The following SND1 variants were observed in gnomAD, a reference collection of about 807,000 sequenced individuals.
The protein encoded by SND1 is staphylococcal nuclease domain-containing protein 1.
A neutral mutation model predicts 121.7 loss-of-function variants in SND1; 38 were observed. The observed-to-expected ratio is 0.31, with a 90% confidence interval of 0.24 to 0.41. The LOEUF (loss-of-function observed/expected upper bound fraction) is 0.41. Ranked by LOEUF, SND1 falls within the 10% of genes least tolerant of loss-of-function variation. SND1 has a pLI of 1.00. For missense variants in SND1, 868 were observed against 1,184.6 expected (o/e 0.73, Z 3.92); for synonymous variants, 401 against 447.4 (o/e 0.90, Z 1.31).
intron 1 of SND1, among the ~76,000 whole-genome samples, chr7:127,681,936 C>G (rs1411252256): frequency 6.6e-6 from 1 of 152,132 alleles, no homozygotes; most frequent in African/African-American, 2.4e-5. Flanking sequence ...TGGATATGCC[C>G]GTTAAACCAG....
At chr7:127,718,052 G>T (rs1401772888) in intron 9 of SND1, among the ~76,000 whole-genome samples, 7 of 151,990 alleles carry the variant, frequency 4.6e-5, no homozygotes, top group African/African-American at 1.7e-4. Context: ...TTCCTTTTAT[G>T]ATTGGGCTTC....
chr7:128,058,134 A>C (rs1167236017), intron 16 of SND1, among the ~76,000 whole-genome samples: 1 of 152,252 alleles, frequency 6.6e-6, no homozygotes, highest in Non-Finnish European at 1.5e-5. Flanking sequence ...ACCCCTTGCC[A>C]GTGCTAGGCA....
chr7:127,766,532 T>G (rs1290098738), intron 10 of SND1, among the ~76,000 whole-genome samples: 1 of 152,040 alleles, frequency 6.6e-6, no homozygotes, highest in Non-Finnish European at 1.5e-5. Context: ...TCCCAGCACT[T>G]TGGGAGGCCA....
At chr7:127,720,519 C>T (rs1283109351) in intron 9 of SND1, among the ~76,000 whole-genome samples, 1 of 152,218 alleles carries the variant, frequency 6.6e-6, no homozygotes, top group Non-Finnish European at 1.5e-5. Flanking sequence ...TTTTATTCTG[C>T]ACACATTGTA....
At chr7:127,689,130 T>G (rs1795870448) in intron 2 of SND1, among the ~76,000 whole-genome samples, 2 of 152,250 alleles carry the variant, frequency 1.3e-5, no homozygotes, top group African/African-American at 4.8e-5. Context: ...CAGGGTCGTT[T>G]AATGAAGATT....
chr7:127,845,407 C>T (rs1220233139), intron 12 of SND1, among the ~76,000 whole-genome samples: 3 of 152,228 alleles, frequency 2.0e-5, no homozygotes, highest in South Asian at 2.1e-4. Flanking sequence ...TTGGAGGTTT[C>T]GTCTTTGCCA....
intron 12 of SND1, among the ~76,000 whole-genome samples, chr7:127,858,827 G>A (rs1799329764): frequency 6.6e-6 from 1 of 152,144 alleles, no homozygotes; most frequent in Non-Finnish European, 1.5e-5. Context: ...GATTAGATTT[G>A]GTAGAAGAAC....
At chr7:127,930,060 T>C (rs1800929841) in intron 15 of SND1, among the ~76,000 whole-genome samples, 6 of 152,220 alleles carry the variant, frequency 3.9e-5, no homozygotes, top group Admixed American at 3.9e-4. Flanking sequence ...ATAATAGTTA[T>C]TTATTTCCAG....
chr7:128,018,416 A>C (rs1474608487), intron 16 of SND1, among the ~76,000 whole-genome samples: 2 of 152,266 alleles, frequency 1.3e-5, no homozygotes, highest in Non-Finnish European at 2.9e-5. Flanking sequence ...GCATGTCAGC[A>C]TGAGCCCATT....
chr7:127,749,026 A>C (rs1797031349), intron 10 of SND1, among the ~76,000 whole-genome samples: 1 of 149,626 alleles, frequency 6.7e-6, no homozygotes. Flanking sequence ...GGATATGTTA[A>C]TGTATTTTTT....
intron 12 of SND1, among the ~76,000 whole-genome samples, chr7:127,886,941 G>C (rs1799920601): frequency 6.7e-6 from 1 of 149,476 alleles, no homozygotes; most frequent in Non-Finnish European, 1.5e-5. Context: ...ATGGAGTATT[G>C]CTCCAAAACT....
rs138537278 is a variant in SND1 at position 127,857,962 on chromosome 7, A to G, written c.1343+13538A>G. 5 of 1,386,002 alleles carry G rather than the reference A, an allele frequency of 3.6e-6. No individual in the cohort carries two copies. The Admixed American group carries it at 6.7e-5, about 19-fold the overall frequency. 85.9% of individuals were successfully genotyped at this position (1,386,002 alleles called of 1,614,324 possible). A position where few individuals can be genotyped will look rare whatever the true frequency, so the allele number is the denominator to read the frequency against. On this transcript the variant is annotated intron_variant, in intron 12 of 23. Transcript: ENST00000354725. The stretch of plus-strand genomic sequence containing the variant: ...GTAGCCTTCGCTCACCCAGGTCTGC[A>G]TCTGGTCGCTGGTGAAGGGCCCATG...
At chr7:127,976,397 G>A (rs915465635) in intron 15 of SND1, among the ~76,000 whole-genome samples, 6 of 152,344 alleles carry the variant, frequency 3.9e-5, no homozygotes, top group East Asian at 3.9e-4. Flanking sequence ...GACCAGATGC[G>A]GGTCTGTTGG....
intron 16 of SND1, chr7:127,997,876 G>A (rs768304578): frequency 2.2e-5 from 12 of 534,624 alleles, no homozygotes; most frequent in Non-Finnish European, 4.6e-5. Flanking sequence ...TGTTCTGGAA[G>A]GTGCACCACC....
chr7:127,916,008 GT>G (rs1563057010), intron 14 of SND1, among the ~76,000 whole-genome samples: 1 of 129,454 alleles, frequency 7.7e-6, no homozygotes, highest in Non-Finnish European at 1.5e-5. Flanking sequence ...GTGTGTGTGT[GT>G]GTGTGTGTGT....
intron 10 of SND1, among the ~76,000 whole-genome samples, chr7:127,776,218 T>G (rs1441151572): frequency 3.3e-5 from 5 of 152,156 alleles, no homozygotes; most frequent in African/African-American, 1.2e-4. Flanking sequence ...CTAAATGAGA[T>G]GGGGCACCAA....
chr7:127,926,718 ATTTTGTTGTTGTTGTTGTTGTTGTTGT>A (rs1354665713), intron 14 of SND1, among the ~76,000 whole-genome samples: 11 of 72,062 alleles, frequency 1.5e-4, no homozygotes, highest in Non-Finnish European at 3.2e-4. Flanking sequence ...ACACCCGGCT[ATTTTGTTGTTGTTGTTGTTGTTGTTGT>A]TGTTGTTGTT....
chr7:127,906,541 G>C (rs1045661139), intron 14 of SND1, among the ~76,000 whole-genome samples: 11 of 152,258 alleles, frequency 7.2e-5, no homozygotes, highest in Middle Eastern at 3.4e-3. Context: ...TTTGGAAAAT[G>C]CAATGAAAAC....
chr7:127,887,194 A>G (rs781610651), intron 12 of SND1, among the ~76,000 whole-genome samples: 37 of 151,942 alleles, frequency 2.4e-4, no homozygotes, highest in Non-Finnish European at 4.3e-4. Flanking sequence ...TGGGGGTCTC[A>G]TTGTGTTGTC....
Sources: allele counts gnomAD v4.1 joint callset (sites outside exome capture counted in the v4.1 genomes callset), GRCh38; gene constraint gnomAD v4.1.1; transcripts MANE v1.5; gene names NCBI Gene and HGNC (gene_info 2026-07-23, HGNC 2026-07-21).